The following RAB6A variants were observed in gnomAD, a reference collection of about 807,000 sequenced individuals.
RAB6A encodes ras-related protein Rab-6A.
Under a neutral mutation model 32.3 loss-of-function variants are expected in RAB6A, and 8 were observed. That is an observed-to-expected ratio of 0.25 (90% confidence interval 0.15 to 0.45). The LOEUF (loss-of-function observed/expected upper bound fraction) is 0.45, where lower values mean the gene tolerates loss of function less well. Ranked by LOEUF, RAB6A falls within the 20% of genes least tolerant of loss-of-function variation. RAB6A has a pLI of 1.00. For missense variants in RAB6A, 104 were observed against 249.4 expected (o/e 0.42, Z 3.93); for synonymous variants, 73 against 82.1 (o/e 0.89, Z 0.60).
intron 2 of RAB6A, among the ~76,000 whole-genome samples, chr11:73,723,797 A>C (rs1487649203): frequency 6.6e-6 from 1 of 152,216 alleles, no homozygotes; most frequent in Non-Finnish European, 1.5e-5. Context: ...GTAGTATGAG[A>C]GAAAAAAACC....
intron 6 of RAB6A, among the ~76,000 whole-genome samples, chr11:73,690,591 G>A (rs11235857): frequency 6.7e-6 from 1 of 148,860 alleles, no homozygotes; most frequent in Non-Finnish European, 1.5e-5. Flanking sequence ...TAATTTATTA[G>A]GAATTTAAAA....
At chr11:73,685,032 G>GTAT (rs1945420883) in intron 6 of RAB6A, among the ~76,000 whole-genome samples, 1 of 152,178 alleles carries the variant, frequency 6.6e-6, no homozygotes, top group Admixed American at 6.5e-5. Flanking sequence ...AAATTGAAAG[G>GTAT]TATTAAGCAG....
At chr11:73,760,455 C>G (rs796387268) in intron 1 of RAB6A, 111 bp downstream of exon 1, 2 of 1,394,872 alleles carry the variant, frequency 1.4e-6, no homozygotes, top group African/African-American at 2.9e-5. Context: ...GCGGTGGCAA[C>G]GAGCGCGGAC....
intron 6 of RAB6A, among the ~76,000 whole-genome samples, chr11:73,686,477 C>T (rs1945458073): frequency 6.6e-6 from 1 of 152,054 alleles, no homozygotes; most frequent in African/African-American, 2.4e-5. Flanking sequence ...TCGCTTGAAC[C>T]CGGGAGGCGG....
At chr11:73,691,723 G>C (rs1407537334) in intron 6 of RAB6A, among the ~76,000 whole-genome samples, 1 of 152,214 alleles carries the variant, frequency 6.6e-6, no homozygotes, top group Non-Finnish European at 1.5e-5. Context: ...CACTTTGGGA[G>C]GCCGAGGCAG....
intron 6 of RAB6A, among the ~76,000 whole-genome samples, chr11:73,683,162 A>G (rs1337651621): frequency 1.3e-5 from 2 of 152,090 alleles, no homozygotes; most frequent in Non-Finnish European, 2.9e-5. Flanking sequence ...TGACAATGTG[A>G]CACTCTATCA....
At chr11:73,702,449 G>C (rs1945761005) in intron 6 of RAB6A, among the ~76,000 whole-genome samples, 1 of 152,174 alleles carries the variant, frequency 6.6e-6, no homozygotes, top group Admixed American at 6.5e-5. Flanking sequence ...TGGGATTATG[G>C]GCATGAGCCG....
At chr11:73,701,184 T>C (rs1441640358) in intron 6 of RAB6A, among the ~76,000 whole-genome samples, 1 of 152,242 alleles carries the variant, frequency 6.6e-6, no homozygotes, top group African/African-American at 2.4e-5. Context: ...ATGGTACCTA[T>C]AGTACTGATA....
chr11:73,691,019 G>A (rs1241841558), intron 6 of RAB6A, among the ~76,000 whole-genome samples: 4 of 150,436 alleles, frequency 2.7e-5, no homozygotes, highest in Non-Finnish European at 4.4e-5. Context: ...GGGGTTTTTC[G>A]GGGGTGGGGG....
intron 6 of RAB6A, among the ~76,000 whole-genome samples, chr11:73,679,976 T>C (rs536594119): frequency 6.6e-6 from 1 of 152,188 alleles, no homozygotes; most frequent in East Asian, 1.9e-4. Flanking sequence ...CACACGCCTA[T>C]AGTCCTAGGT....
chr11:73,725,414 A>T (rs1946201312), intron 2 of RAB6A, among the ~76,000 whole-genome samples: 1 of 152,244 alleles, frequency 6.6e-6, no homozygotes, highest in Admixed American at 6.5e-5. Context: ...GAAGTGTATT[A>T]GTCTGTTTTG....
Position 73,704,105 on chromosome 11 carries a change from A to G in RAB6A, c.495+3315T>C, listed in dbSNP as rs561511533. 1.1e-5 allele frequency: 3 copies of G among 279,082 alleles called. No homozygotes were observed. In the East Asian group the frequency reaches 3.0e-4, roughly 28 times the overall value. The allele number at this position is 279,082 out of a possible 1,614,324, so 17.3% of individuals were successfully genotyped here. On this transcript the variant is annotated intron_variant, in intron 6 of 7. Transcript: ENST00000336083. ...GCTATAAATTTACTAAAAATCGACCAGGCAGAGGGGCTCATACCTATAATC... is the reference window on the plus strand; with the variant it reads ...GCTATAAATTTACTAAAAATCGACCGGGCAGAGGGGCTCATACCTATAATC...
intron 1 of RAB6A, among the ~76,000 whole-genome samples, chr11:73,750,444 G>T (rs1946655916): frequency 1.3e-5 from 2 of 151,522 alleles, no homozygotes; most frequent in South Asian, 2.1e-4. Context: ...CCACCTCCCA[G>T]TTCAAGGTTC....
intron 2 of RAB6A, 161 bp downstream of exon 2, chr11:73,730,604 G>A (rs1332969219): frequency 1.5e-5 from 9 of 597,750 alleles, no homozygotes; most frequent in Non-Finnish European, 5.8e-6. Flanking sequence ...TTTATCCTAG[G>A]ACTGGACAAA....
At chr11:73,703,612 T>G (rs948056246) in intron 6 of RAB6A, among the ~76,000 whole-genome samples, 25 of 152,256 alleles carry the variant, frequency 1.6e-4, no homozygotes, top group African/African-American at 5.8e-4. Flanking sequence ...CACAGTGGCA[T>G]GCACTTATAA....
At chr11:73,722,327 ATATATATATATATATATTTTTTTT>A (rs1418795314) in intron 2 of RAB6A, 15 of 11,962 alleles carry the variant, frequency 1.3e-3, no homozygotes, top group East Asian at 0.012. Flanking sequence ...ATATATATAT[ATATATATATATATATATTTTTTTT>A]TTTTTTTTTT....
At chr11:73,756,934 A>G (rs189085132) in intron 1 of RAB6A, among the ~76,000 whole-genome samples, 3,208 of 151,278 alleles carry the variant, frequency 0.021, 70 homozygotes, top group Admixed American at 0.027. Flanking sequence ...TCGGACTCCT[A>G]AAGTGCTGGG....
chr11:73,683,900 A>G (rs1590820926), intron 6 of RAB6A, among the ~76,000 whole-genome samples: 1 of 152,218 alleles, frequency 6.6e-6, no homozygotes, highest in Non-Finnish European at 1.5e-5. Context: ...AAATACTATG[A>G]AACAGCATTG....
chr11:73,709,645 A>G (rs1280990737), intron 5 of RAB6A, among the ~76,000 whole-genome samples: 1 of 149,736 alleles, frequency 6.7e-6, no homozygotes, highest in African/African-American at 2.4e-5. Flanking sequence ...CACTGTTTAC[A>G]TTTTCTGGCC....
Sources: gnomAD v4.1 joint callset for allele counts (sites outside exome capture counted in the v4.1 genomes callset) on GRCh38, gnomAD v4.1.1 for gene constraint, MANE v1.5 for transcripts, NCBI Gene and HGNC (gene_info 2026-07-23, HGNC 2026-07-21) for gene names.